The following ZXDC variants were observed in gnomAD, a reference collection of about 807,000 sequenced individuals.
ZXDC encodes the protein zinc finger protein ZXDC.
A neutral mutation model predicts 63.6 loss-of-function variants in ZXDC; 58 were observed. The ratio of observed to expected loss-of-function variants is 0.91; its 90% CI spans 0.74 to 1.13. The LOEUF (loss-of-function observed/expected upper bound fraction) is 1.13. Ranked by LOEUF, ZXDC falls within the 50% of genes most tolerant of loss-of-function variation. The pLI is 0.00. For synonymous variants in ZXDC, 561 were observed against 496.1 expected (o/e 1.13, Z -1.74); for missense variants, 1,133 against 1,148.9 (o/e 0.99, Z 0.20).
chr3:126,438,549 C>A, intron 9 of ZXDC, 88 bp from the exon 10 acceptor site: 1 of 1,218,378 alleles, frequency 8.2e-7, no homozygotes. Flanking sequence ...ACTGACCAGG[C>A]CCGTGGTGAG....
intron 7 of ZXDC, among the ~76,000 whole-genome samples, chr3:126,455,999 C>CAA (rs1324111817): frequency 7.1e-6 from 1 of 141,560 alleles, no homozygotes; most frequent in South Asian, 2.2e-4. Flanking sequence ...GACTCCATCT[C>CAA]AAAAAAAAAC....
At chr3:126,447,220 T>G (rs1215594278) in intron 7 of ZXDC, among the ~76,000 whole-genome samples, 2 of 152,226 alleles carry the variant, frequency 1.3e-5, no homozygotes, top group Admixed American at 1.3e-4. Flanking sequence ...GAATAAAGTA[T>G]GTAAGTGAAC....
intron 7 of ZXDC, among the ~76,000 whole-genome samples, chr3:126,448,299 G>A (rs1258789703): frequency 6.6e-6 from 1 of 152,226 alleles, no homozygotes; most frequent in Non-Finnish European, 1.5e-5. Flanking sequence ...TTCACCACAT[G>A]GCAGGTGCTC....
chr3:126,475,023 G>C lies in ZXDC; in HGVS notation c.843C>G (p.Ala281=). The C allele has an allele frequency of 1.3e-6, 2 of 1,598,212 alleles. No homozygotes were observed. Among genetic ancestry groups the C allele is most frequent in the East Asian group, 2.3e-5 (1 of 44,118 alleles). Residue 281 remains alanine, a synonymous_variant, in exon 1 of 10, where the codon GCC becomes GCG. Transcript: ENST00000389709. ...EVCAERFPTH[A]KLSSHQRSHF... is the part of the protein sequence containing the mutation. Reference sequence around the variant, plus strand: ...GGCTGCGCTGGTGGGAGCTGAGCTTGGCGTGCGTGGGGAAGCGCTCGGCGC... The same window carrying C: ...GGCTGCGCTGGTGGGAGCTGAGCTTCGCGTGCGTGGGGAAGCGCTCGGCGC...
intron 7 of ZXDC, among the ~76,000 whole-genome samples, chr3:126,457,015 C>T (rs1321088044): frequency 2.0e-5 from 3 of 152,182 alleles, no homozygotes; most frequent in Admixed American, 6.5e-5. Context: ...ACAGGGAGGA[C>T]GGTCCAGAGC....
At chr3:126,454,713 C>T in intron 7 of ZXDC, 15 of 985,458 alleles carry the variant, frequency 1.5e-5, no homozygotes, top group Non-Finnish European at 1.8e-5. Context: ...CTTTCTTTCC[C>T]TTCTCTGCCC....
chr3:126,443,002 C>A (rs1005027556), intron 7 of ZXDC: 5 of 152,302 alleles, frequency 3.3e-5, no homozygotes, highest in Admixed American at 3.3e-4. Context: ...AGATCCCTTC[C>A]TGTCTTCCGC....
Position 126,440,317 on chromosome 3 carries a change from C to T in ZXDC, c.2395-590G>A, listed in dbSNP as rs1933629105. The T allele has an allele frequency of 1.2e-5, 12 of 988,006 alleles. No homozygotes were observed. The South Asian group carries it at 5.6e-4, about 46-fold the overall frequency. The allele number at this position is 988,006 out of a possible 1,614,324, so 61.2% of individuals were successfully genotyped here. The stretch of plus-strand genomic sequence containing the variant: ...CCCCGAAGCGGAGCTCCTGGTGCTG[C>T]TGCTCTGCACCTCTCATTCCTTCTG... On this transcript the variant is annotated intron_variant, in intron 8 of 9. Transcript: ENST00000389709.
At chr3:126,460,683 C>A (rs752041727) in intron 6 of ZXDC, 1 of 985,262 alleles carries the variant, frequency 1.0e-6, no homozygotes, top group Non-Finnish European at 1.2e-6. Context: ...GGCTCTGCCA[C>A]CGACAAGCAA....
Position 126,470,935 on chromosome 3 carries a change from T to A in ZXDC, c.1230A>T (p.Ile410=). The change falls in exon 4 of 10, where the codon ATA becomes ATT. Residue 410 remains isoleucine, a synonymous_variant. Coordinates refer to ENST00000389709, the MANE Select transcript of ZXDC (RefSeq NM_025112.5). Reference sequence around the variant, plus strand: ...CGAACGGCTTTGTGCCTAGGTGGGTTATGCTGTGGCCTTTCAGATGCTCTG... The same window carrying A: ...CGAACGGCTTTGTGCCTAGGTGGGTAATGCTGTGGCCTTTCAGATGCTCTG... ...TRAEHLKGHS[I]THLGTKPFEC... is the part of the protein sequence containing the mutation. 1 of 1,614,244 alleles carries A rather than the reference T, an allele frequency of 6.2e-7. No individual in the cohort carries two copies. Among genetic ancestry groups the A allele is most frequent in the African/African-American group, 1.3e-5 (1 of 75,058 alleles).
intron 7 of ZXDC, chr3:126,450,401 T>G (rs759322443): frequency 4.4e-6 from 2 of 456,686 alleles, no homozygotes; most frequent in Non-Finnish European, 8.8e-6. Flanking sequence ...CCCTCCCCTG[T>G]TAGAGGCCAC....
At chr3:126,448,422 G>A (rs1181847775) in intron 7 of ZXDC, among the ~76,000 whole-genome samples, 1 of 152,174 alleles carries the variant, frequency 6.6e-6, no homozygotes, top group Non-Finnish European at 1.5e-5. Context: ...AACAAGGGGT[G>A]AGAAAGTACA....
chr3:126,466,366 C>G, intron 4 of ZXDC, 41 bp from the exon 5 acceptor site: 1 of 1,612,332 alleles, frequency 6.2e-7, no homozygotes. Flanking sequence ...CCAAGGATCA[C>G]CAAGGAACCA....
chr3:126,466,648 G>A (rs1266022660), intron 4 of ZXDC, among the ~76,000 whole-genome samples: 1 of 152,192 alleles, frequency 6.6e-6, no homozygotes, highest in East Asian at 1.9e-4. Flanking sequence ...AGTATTAACT[G>A]CTTAAATATT....
intron 7 of ZXDC, chr3:126,443,098 C>G (rs1328757421): frequency 6.6e-6 from 1 of 152,250 alleles, no homozygotes. Flanking sequence ...TTAGGCACAG[C>G]CTGCTGTCTT....
chr3:126,461,817 C>A lies in ZXDC; in HGVS notation c.1845G>T (p.Leu615=), dbSNP rs374945553. The change falls in exon 6 of 10, where the codon CTG becomes CTT. Residue 615 remains leucine, a synonymous_variant. Transcript: ENST00000389709. ...SAGALGCLVA[L]PMKNLSDDPL... ...GGTCGTCACTCAAGTTCTTCATGGG[C>A]AGAGCCACCAGACAGCCTAATGCTC... 2 of 1,614,122 alleles carry A rather than the reference C, an allele frequency of 1.2e-6. No individual in the cohort carries two copies. Among genetic ancestry groups the A allele is most frequent in the Non-Finnish European group, 8.5e-7 (1 of 1,180,002 alleles).
At chr3:126,460,176 T>C (rs1934468442) in intron 6 of ZXDC, 1 of 974,508 alleles carries the variant, frequency 1.0e-6, no homozygotes, top group African/African-American at 1.8e-5. Flanking sequence ...CAGGCTGCTC[T>C]GGTGGCAGGG....
chr3:126,445,656 T>G (rs925570397), intron 7 of ZXDC, among the ~76,000 whole-genome samples: 2 of 151,650 alleles, frequency 1.3e-5, no homozygotes, highest in African/African-American at 4.8e-5. Context: ...GGACACCCCT[T>G]CTCAGAGAGT....
intron 8 of ZXDC, chr3:126,440,233 T>G: frequency 1.0e-6 from 1 of 993,844 alleles, no homozygotes; most frequent in Middle Eastern, 5.1e-4. Flanking sequence ...GGCTAGAAAC[T>G]TCATCTGTCC....
Sources: allele counts gnomAD v4.1 joint callset (sites outside exome capture counted in the v4.1 genomes callset), GRCh38; gene constraint gnomAD v4.1.1; transcripts MANE v1.5; gene names NCBI Gene and HGNC (gene_info 2026-07-23, HGNC 2026-07-21).